TENM3: variants seen among roughly 807,000 people sequenced by gnomAD.
The protein encoded by TENM3 is teneurin transmembrane protein 3.
In TENM3, 63 loss-of-function variants were observed where a neutral mutation model predicts 255.1. That is an observed-to-expected ratio of 0.25 (90% CI 0.20 to 0.30). TENM3 has a LOEUF of 0.30. Among genes scored for constraint, TENM3 ranks in the 10% least tolerant of loss-of-function variants. The probability of loss-of-function intolerance (pLI) is 1.00; values close to 1 mark genes in which losing one functional copy is unlikely to be tolerated. For synonymous variants in TENM3, 1,306 were observed against 1,322.3 expected (o/e 0.99, Z 0.27); for missense variants, 2,929 against 3,461.1 (o/e 0.85, Z 3.86).
At chr4:182,729,235 T>TA (rs1209584501) in intron 14 of TENM3, 54 bp downstream of exon 14, 1 of 1,439,112 alleles carries the variant, frequency 6.9e-7, no homozygotes, top group Non-Finnish European at 9.8e-7. Context: ...AACAGTTACA[T>TA]ACACTTATGT....
intron 1 of TENM3, among the ~76,000 whole-genome samples, chr4:182,308,966 G>A (rs950168348): frequency 3.9e-5 from 6 of 152,204 alleles, no homozygotes; most frequent in East Asian, 1.9e-4. Flanking sequence ...CACACAGACC[G>A]CTAGCCAGGC....
rs532576979 is a variant in TENM3, at chr4:182,509,916, A to G, written c.512-91008A>G. On this transcript the variant is annotated intron_variant, in intron 3 of 27. Transcript: ENST00000511685. ...TGCGCCATTGCACTCCAACCTGGAC[A>G]ACAAGAGCAAAACTCTGTCTCAAAA... Among the ~76,000 whole-genome samples the G allele has an allele frequency of 5.4e-5, 8 of 149,266 alleles. 1 individual carries two copies. In the South Asian group the frequency reaches 1.8e-3, roughly 33 times the overall value.
chr4:182,070,892 C>T, the TENM3 span, among the ~76,000 whole-genome samples: 1 of 152,092 alleles, frequency 6.6e-6, no homozygotes, highest in Admixed American at 6.6e-5. Context: ...TCCTTCAGAG[C>T]AATTTTCCAT....
At chr4:182,317,642 T>C (rs1288077085) in intron 1 of TENM3, among the ~76,000 whole-genome samples, 2 of 152,094 alleles carry the variant, frequency 1.3e-5, no homozygotes, top group Non-Finnish European at 2.9e-5. Flanking sequence ...ACATGATAGT[T>C]AGATTCTCTT....
At chr4:181,805,597 T>TTGTGTGTGTGTG in the TENM3 span, among the ~76,000 whole-genome samples, 33 of 150,552 alleles carry the variant, frequency 2.2e-4, no homozygotes, top group African/African-American at 6.8e-4. Context: ...GTGTGCACTT[T>TTGTGTGTGTGTG]TGTGTGTGTG....
chr4:181,790,757 G>C, the TENM3 span, among the ~76,000 whole-genome samples: 4 of 152,170 alleles, frequency 2.6e-5, no homozygotes, highest in African/African-American at 9.7e-5. Context: ...CTCTAAACTG[G>C]ACTGTATTCT....
intron 7 of TENM3, among the ~76,000 whole-genome samples, chr4:182,676,111 A>G (rs1479747576): frequency 1.3e-5 from 2 of 152,238 alleles, no homozygotes; most frequent in Admixed American, 6.5e-5. Flanking sequence ...TCTGGAGAAC[A>G]TTAAATAAAT....
chr4:181,829,558 T>C, the TENM3 span, among the ~76,000 whole-genome samples: 2 of 152,196 alleles, frequency 1.3e-5, no homozygotes, highest in Admixed American at 1.3e-4. Context: ...TCTACACAGA[T>C]GCTCATAATA....
the TENM3 span, among the ~76,000 whole-genome samples, chr4:181,529,327 G>A: frequency 6.6e-6 from 1 of 152,180 alleles, no homozygotes; most frequent in African/African-American, 2.4e-5. Context: ...AATCCAGAAG[G>A]AAATGAGAGA....
At chr4:182,331,985 G>A (rs566139985) in intron 2 of TENM3, among the ~76,000 whole-genome samples, 7 of 152,144 alleles carry the variant, frequency 4.6e-5, no homozygotes, top group East Asian at 3.9e-4. Context: ...AATATTAATC[G>A]AAAATTTCAG....
intron 3 of TENM3, among the ~76,000 whole-genome samples, chr4:182,502,625 A>G (rs995201260): frequency 3.3e-5 from 5 of 151,682 alleles, no homozygotes; most frequent in African/African-American, 1.2e-4. Context: ...TTTATTATTT[A>G]TTTGTCATAA....
the TENM3 span, among the ~76,000 whole-genome samples, chr4:181,833,363 T>C: frequency 6.6e-6 from 1 of 152,084 alleles, no homozygotes; most frequent in Admixed American, 6.5e-5. Flanking sequence ...CCACTTACTG[T>C]CCACGGGGCT....
intron 19 of TENM3, among the ~76,000 whole-genome samples, chr4:182,746,727 C>T (rs1762035979): frequency 6.6e-6 from 1 of 151,998 alleles, no homozygotes. Flanking sequence ...TGCTAGATAC[C>T]TAAAACAGGA....
chr4:182,294,252 G>T (rs1437379431), intron 1 of TENM3, among the ~76,000 whole-genome samples: 1 of 152,230 alleles, frequency 6.6e-6, no homozygotes, highest in East Asian at 1.9e-4. Flanking sequence ...TGAGGTGGAG[G>T]TCTAAGAATT....
the TENM3 span, among the ~76,000 whole-genome samples, chr4:181,570,994 C>T: frequency 1.3e-5 from 2 of 152,072 alleles, no homozygotes; most frequent in African/African-American, 2.4e-5. Flanking sequence ...ACTGAGCCAA[C>T]GTGGCCAGCT....
At chr4:182,237,776 G>A (rs937419734) in intron 1 of TENM3, among the ~76,000 whole-genome samples, 1 of 152,162 alleles carries the variant, frequency 6.6e-6, no homozygotes, top group Non-Finnish European at 1.5e-5. Flanking sequence ...TCAAACTTAT[G>A]GAGATAAAGA....
At chr4:182,341,137 G>T (rs1020280337) in intron 2 of TENM3, among the ~76,000 whole-genome samples, 3 of 151,998 alleles carry the variant, frequency 2.0e-5, no homozygotes, top group African/African-American at 7.2e-5. Context: ...CCTAGAAGAG[G>T]CAATAAATTA....
intron 3 of TENM3, among the ~76,000 whole-genome samples, chr4:182,434,907 T>C (rs1267624385): frequency 6.6e-6 from 1 of 152,126 alleles, no homozygotes; most frequent in Non-Finnish European, 1.5e-5. Flanking sequence ...CAGCTCAGCC[T>C]GGGGTCTGAG....
intron 3 of TENM3, among the ~76,000 whole-genome samples, chr4:182,447,769 G>C (rs1406187187): frequency 6.6e-6 from 1 of 152,094 alleles, no homozygotes; most frequent in East Asian, 1.9e-4. Context: ...AAAATGAGAG[G>C]TTTGGAGGGA....
Sources: allele counts gnomAD v4.1 joint callset (sites outside exome capture counted in the v4.1 genomes callset), GRCh38; gene constraint gnomAD v4.1.1; transcripts MANE v1.5; gene names NCBI Gene and HGNC (gene_info 2026-07-23, HGNC 2026-07-21).